EYS: variants seen among roughly 807,000 people sequenced by gnomAD.
The protein encoded by EYS is EGF-like photoreceptor maintenance factor.
EYS carries 250 observed loss-of-function variants against 282.1 expected under a neutral mutation model. The ratio of observed to expected loss-of-function variants is 0.89; its 90% CI spans 0.80 to 0.98. The LOEUF is 0.98. Among genes scored for constraint, EYS ranks in the 50% least tolerant of loss-of-function variants. The pLI is 0.00. For missense variants in EYS, 4,016 were observed against 3,709.0 expected (o/e 1.08, Z -2.15); for synonymous variants, 1,355 against 1,282.9 (o/e 1.06, Z -1.20).
At chr6:63,961,912 A>G (rs1239476812) in intron 35 of EYS, among the ~76,000 whole-genome samples, 1 of 152,206 alleles carries the variant, frequency 6.6e-6, no homozygotes, top group African/African-American at 2.4e-5. Flanking sequence ...AATTTACATT[A>G]TAGACTTAGA....
chr6:65,502,468 A>G (rs1280314407), intron 2 of EYS, among the ~76,000 whole-genome samples: 1 of 151,672 alleles, frequency 6.6e-6, no homozygotes, highest in Non-Finnish European at 1.5e-5. Flanking sequence ...TGTGTACCAT[A>G]TTGTCCAGTT....
chr6:65,609,296 C>A (rs1277899817), intron 2 of EYS, among the ~76,000 whole-genome samples: 2 of 144,600 alleles, frequency 1.4e-5, no homozygotes, highest in Admixed American at 7.0e-5. Context: ...TTGACTGAAA[C>A]AACTTTACCT....
At chr6:65,222,667 G>T (rs1766500216) in intron 12 of EYS, among the ~76,000 whole-genome samples, 1 of 152,164 alleles carries the variant, frequency 6.6e-6, no homozygotes, top group African/African-American at 2.4e-5. Flanking sequence ...TTACAAGGAT[G>T]CATATATAGT....
chr6:63,723,831 A>ATTC (rs1768508125), intron 42 of EYS, among the ~76,000 whole-genome samples: 1 of 130,196 alleles, frequency 7.7e-6, no homozygotes, highest in East Asian at 2.1e-4. Flanking sequence ...TATTATTATT[A>ATTC]TTATTTTGAG....
intron 28 of EYS, among the ~76,000 whole-genome samples, chr6:64,390,462 C>G (rs377338132): frequency 3.3e-5 from 5 of 151,916 alleles, no homozygotes; most frequent in South Asian, 4.2e-4. Flanking sequence ...GTGGGTCCCT[C>G]ACCCCTGACC....
At chr6:65,052,104 AGGGTT>A (rs1423641845) in intron 13 of EYS, among the ~76,000 whole-genome samples, 1 of 151,502 alleles carries the variant, frequency 6.6e-6, no homozygotes, top group East Asian at 1.9e-4. Flanking sequence ...TGATTGGGTA[AGGGTT>A]GCCTTATTGG....
At position 65,106,525 on chromosome 6, in the gene EYS, C is replaced by T. The variant is rs149570186; in HGVS notation, c.2024-48798G>A. Among the ~76,000 whole-genome samples the T allele has an allele frequency of 1.4e-3, 208 of 152,146 alleles. 1 individual carries two copies. Among genetic ancestry groups the T allele is most frequent in the Middle Eastern group, 3.4e-3 (1 of 294 alleles). On this transcript the variant is annotated intron_variant, in intron 12 of 42. Transcript: ENST00000503581. ...TGTTCAACAATGTTACATCAGCCTA[C>T]AAAAGGCATACCTACGTGAGCATTA... is the stretch of plus-strand genomic sequence containing the variant.
intron 19 of EYS, among the ~76,000 whole-genome samples, chr6:64,852,368 C>T (rs1765913207): frequency 6.6e-6 from 1 of 152,048 alleles, no homozygotes; most frequent in South Asian, 2.1e-4. Context: ...TCTTAGCCTC[C>T]CAGCCTACAT....
At chr6:65,544,679 G>A (rs1333232202) in intron 2 of EYS, among the ~76,000 whole-genome samples, 1 of 152,058 alleles carries the variant, frequency 6.6e-6, no homozygotes, top group Non-Finnish European at 1.5e-5. Flanking sequence ...TGTCCTTATA[G>A]CAGTGTGAGA....
intron 31 of EYS, among the ~76,000 whole-genome samples, chr6:64,087,501 A>G (rs999857333): frequency 1.3e-5 from 2 of 152,104 alleles, no homozygotes; most frequent in Admixed American, 6.6e-5. Flanking sequence ...AGGAAAGTCC[A>G]TAAGCCTATC....
intron 5 of EYS, among the ~76,000 whole-genome samples, chr6:65,414,708 A>T (rs923039266): frequency 6.6e-6 from 1 of 152,094 alleles, no homozygotes; most frequent in Non-Finnish European, 1.5e-5. Flanking sequence ...TACACATCCA[A>T]GTGAGGTTGG....
intron 11 of EYS, chr6:65,332,106 G>A (rs1252599921): frequency 1.9e-5 from 8 of 412,710 alleles, no homozygotes; most frequent in Non-Finnish European, 3.0e-5. Context: ...TATAATGTTA[G>A]TTATGTTTCT....
At chr6:64,279,643 A>G (rs1248779104) in intron 30 of EYS, among the ~76,000 whole-genome samples, 2 of 152,090 alleles carry the variant, frequency 1.3e-5, no homozygotes, top group African/African-American at 4.8e-5. Context: ...TGGATAGTTT[A>G]TTTTTCCAGC....
At chr6:64,495,053 T>C (rs1367649293) in intron 26 of EYS, among the ~76,000 whole-genome samples, 1 of 151,632 alleles carries the variant, frequency 6.6e-6, no homozygotes, top group Non-Finnish European at 1.5e-5. Context: ...TATTATCACA[T>C]GTAAGGTAGC....
chr6:65,327,593 T>C lies in EYS; in HGVS notation c.1766+7387A>G, dbSNP rs1382697246. ...TCTATTAATAGTGCATTTTTGGTTT[T>C]TGTAGCACACACTTTACTTCATACA... On this transcript the variant is annotated intron_variant, in intron 11 of 42. Transcript: ENST00000503581. 2.6e-5 allele frequency among the ~76,000 whole-genome samples: 4 copies of C among 151,746 alleles called. No individual in the cohort carries two copies. The Middle Eastern group carries it at 0.01, about 387-fold the overall frequency.
chr6:64,069,801 C>T (rs1392121203), intron 32 of EYS, among the ~76,000 whole-genome samples: 1 of 152,022 alleles, frequency 6.6e-6, no homozygotes, highest in Non-Finnish European at 1.5e-5. Flanking sequence ...ACATGTTTCG[C>T]ATCTTTTGAT....
chr6:64,139,463 T>C (rs572944958), intron 31 of EYS, among the ~76,000 whole-genome samples: 1 of 152,228 alleles, frequency 6.6e-6, no homozygotes, highest in African/African-American at 2.4e-5. Flanking sequence ...AAAATATTTT[T>C]TTAAAAAAAG....
intron 14 of EYS, among the ~76,000 whole-genome samples, chr6:64,995,995 GTAATAAACTCA>G (rs1196822388): frequency 6.6e-6 from 1 of 152,066 alleles, no homozygotes; most frequent in African/African-American, 2.4e-5. Context: ...TCTTTCTTCT[GTAATAAACTCA>G]GATTATTCCT....
intron 14 of EYS, among the ~76,000 whole-genome samples, chr6:64,988,478 A>T (rs1770942281): frequency 6.6e-6 from 1 of 151,674 alleles, no homozygotes; most frequent in South Asian, 2.1e-4. Flanking sequence ...ATCTAAAAAA[A>T]GTTAAAAGAC....
Sources: allele counts gnomAD v4.1 joint callset (sites outside exome capture counted in the v4.1 genomes callset), GRCh38; gene constraint gnomAD v4.1.1; transcripts MANE v1.5; gene names NCBI Gene and HGNC (gene_info 2026-07-23, HGNC 2026-07-21).